Variants in ITGA7 observed in about 807,000 individuals in gnomAD.
ITGA7 encodes integrin alpha-7.
Under a neutral mutation model 131.6 loss-of-function variants are expected in ITGA7, and 84 were observed. The observed-to-expected ratio is 0.64, with a 90% CI of 0.54 to 0.77. The LOEUF (loss-of-function observed/expected upper bound fraction) is 0.77. Ranked by LOEUF, ITGA7 falls within the 30% of genes least tolerant of loss-of-function variation. ITGA7 has a pLI of 0.00. For missense variants in ITGA7, 1,399 were observed against 1,482.9 expected, an observed-to-expected ratio of 0.94 and a Z score of 0.93; for synonymous variants, 548 against 600.7, an observed-to-expected ratio of 0.91 and a Z score of 1.28.
At position 55,695,558 on chromosome 12, in the gene ITGA7, G is replaced by T; in HGVS notation, c.1967C>A (p.Thr656Asn). The T allele has an allele frequency of 6.2e-7, 1 of 1,613,918 alleles. No individual in the cohort carries two copies. The highest frequency in any genetic ancestry group is 8.5e-7 in the Non-Finnish European group (1 of 1,179,908). ...NLQLVRARFCTRVSDTEFQPL... is the reference protein window; with the variant it reads ...NLQLVRARFCNRVSDTEFQPL... Reference sequence around the variant, plus strand: ...TTGGAATTCCGTGTCGCTGACCCGGGTACAGAAGCGGGCGCGGACCAGCTG... The same window carrying T: ...TTGGAATTCCGTGTCGCTGACCCGGTTACAGAAGCGGGCGCGGACCAGCTG... The change falls in exon 14 of 25, where the codon ACC (threonine) becomes AAC (asparagine). Residue 656 changes from threonine (T) to asparagine (N), a missense_variant. By Grantham distance (65) the Thr-to-Asn change is moderately conservative (BLOSUM62 0). Coordinates refer to ENST00000257879, the MANE Select transcript of ITGA7 (RefSeq NM_002206.3).
rs1262900833 is a variant in ITGA7, at chr12:55,707,865, C to G, written c.-183G>C. 18 of 1,447,542 alleles carry G rather than the reference C, an allele frequency of 1.2e-5. No individual in the cohort carries two copies. In the South Asian group the frequency reaches 2.5e-4, roughly 20 times the overall value. The allele number at this position is 1,447,542 out of a possible 1,614,324, so 89.7% of individuals were successfully genotyped here. Reference sequence around the variant, plus strand: ...CTCCGCCACCCCGCCGCCCCAGCACCGGCTAGGACAACTACAGCAGCCGCA... The same window carrying G: ...CTCCGCCACCCCGCCGCCCCAGCACGGGCTAGGACAACTACAGCAGCCGCA... On this transcript the variant is annotated 5_prime_UTR_variant, in exon 1 of 25. Coordinates refer to ENST00000257879, the MANE Select transcript of ITGA7 (RefSeq NM_002206.3).
chr12:55,697,955 C>A lies in ITGA7; in HGVS notation c.1264G>T (p.Val422Phe). The A allele has an allele frequency of 6.2e-7, 1 of 1,614,160 alleles. No individual in the cohort carries two copies. The highest frequency in any genetic ancestry group is 1.3e-5 in the African/African-American group (1 of 75,016). Residue 422 changes from valine to phenylalanine, a missense_variant, in exon 8 of 25, where the codon GTC becomes TTC. By Grantham distance (50) the Val-to-Phe change is conservative. Coordinates refer to ENST00000257879, the MANE Select transcript of ITGA7 (RefSeq NM_002206.3). ...FIYHGSSLGV[V>F]AKPSQVLEGE... is the part of the protein sequence containing the mutation. ...CCCCTCACCTGTGAAGGTTTGGCGA[C>A]AACCCCCAGGCTGCTCCCATGGTAG...
In ITGA7 at chr12:55,696,472, C is replaced by T. The variant is rs780241555; in HGVS notation, c.1738-40G>A. On this transcript the variant is annotated intron_variant, in intron 12 of 24. Transcript: ENST00000257879. The stretch of plus-strand genomic sequence containing the variant: ...GTCTATTCCTCACTGGAACAATCCC[C>T]AGGCCTCAGCCCTGCTCAGTGCCCC... 9 of 1,574,428 alleles carry T rather than the reference C, an allele frequency of 5.7e-6. No homozygotes were observed. The South Asian group carries it at 1.0e-4, about 18-fold the overall frequency.
At position 55,692,844 on chromosome 12, in the gene ITGA7, C is replaced by G. The variant is rs201423127; in HGVS notation, c.2844G>C (p.Leu948=). 1 of 1,609,646 alleles carries G rather than the reference C, an allele frequency of 6.2e-7. No homozygotes were observed. Among genetic ancestry groups the G allele is most frequent in the African/African-American group, 1.3e-5 (1 of 74,944 alleles). The stretch of plus-strand genomic sequence containing the variant: ...TGCACCGAGTCTGGCCTGCCCTCAC[C>G]AGGGTGATGTTTTTCTTCTTCTCAG... ...SSAEKKKNIT[L]DCARGTANCV... is the part of the protein sequence containing the mutation. Residue 948 remains leucine, a splice_region_variant and synonymous_variant, in exon 21 of 25, where the codon CTG becomes CTC. Transcript: ENST00000257879.
rs201723025 is a variant in ITGA7 at position 55,694,263 on chromosome 12, T to C, written c.2425A>G (p.Ile809Val). The part of the protein sequence containing the change: ...ARVFIELPLS[I>V]AGMAIPQQLF... ...CCCTTGGGCCAGGCTCACCCTGCAA[T>C]GGACAGTGGCAGCTCAATGAAGACA... Residue 809 changes from isoleucine (I) to valine (V), a missense_variant, in exon 18 of 25, where the codon ATT becomes GTT. By Grantham distance (29) the Ile-to-Val change is conservative. Transcript: ENST00000257879. The surrounding 1 kb of genome is among the most constrained non-coding windows in gnomAD (Gnocchi z 5.3). 6.2e-6 allele frequency: 10 copies of C among 1,614,048 alleles called. No homozygotes were observed. The African/African-American group carries it at 1.1e-4, about 17-fold the overall frequency.
chr12:55,712,602 C>T (rs1340461373), upstream of ITGA7, among the ~76,000 whole-genome samples: 3 of 152,158 alleles, frequency 2.0e-5, no homozygotes, highest in Non-Finnish European at 2.9e-5. Flanking sequence ...AGTAGGAAAT[C>T]GTAAGGAGAG....
At position 55,685,182 on chromosome 12, in the gene ITGA7, C is replaced by T; in HGVS notation, c.3290G>A (p.Gly1097Asp). ...GCCCCAGTTGTTCCTCAGGATGGTGCCCGTCTTCTCCTCCTTGAACTGCTG... is the reference window on the plus strand; with the variant it reads ...GCCCCAGTTGTTCCTCAGGATGGTGTCCGTCTTCTCCTCCTTGAACTGCTG... ...DRQQFKEEKT[G>D]TILRNNWGSP... Residue 1097 changes from glycine to aspartate, a missense_variant, in exon 25 of 25, where the codon GGC becomes GAC. Transcript: ENST00000257879. 1 of 1,614,174 alleles carries T rather than the reference C, an allele frequency of 6.2e-7. No homozygotes were observed. The highest frequency in any genetic ancestry group is 1.1e-5 in the South Asian group (1 of 91,088).
chr12:55,701,204 G>C (rs764574648), intron 3 of ITGA7, 50 bp from the exon 4 acceptor site: 2 of 1,613,216 alleles, frequency 1.2e-6, no homozygotes, highest in African/African-American at 2.7e-5. Context: ...CCAGGGACCT[G>C]CTTGAGGCAT....
upstream of ITGA7, chr12:55,712,087 C>T (rs1265221344): frequency 3.9e-6 from 6 of 1,551,428 alleles, no homozygotes; most frequent in Non-Finnish European, 5.2e-6. Context: ...AATCCTTCTG[C>T]CTGCCTCTGA....
At chr12:55,691,107 C>G (rs2135975274) in intron 21 of ITGA7, among the ~76,000 whole-genome samples, 1 of 149,456 alleles carries the variant, frequency 6.7e-6, no homozygotes, top group African/African-American at 2.5e-5. Flanking sequence ...TACCCTAAAA[C>G]TTAAAGTATA....
chr12:55,714,238 C>T (rs1003791328), upstream of ITGA7, among the ~76,000 whole-genome samples: 5 of 151,950 alleles, frequency 3.3e-5, no homozygotes, highest in Admixed American at 1.3e-4. Flanking sequence ...TTAGGCCGGG[C>T]GCGGTGGCTC....
chr12:55,694,061 G>A lies in ITGA7; in HGVS notation c.2495C>T (p.Ser832Phe). 3 of 1,614,196 alleles carry A rather than the reference G, an allele frequency of 1.9e-6. No homozygotes were observed. The highest frequency in any genetic ancestry group is 1.6e-4 in the Middle Eastern group (1 of 6,062). Reference sequence around the variant, plus strand: ...GACCTTGCTGCCCACATCCCGCTCAGACTGCATGGCTCTCTCGCCCCTCAC... The same window carrying A: ...GACCTTGCTGCCCACATCCCGCTCAAACTGCATGGCTCTCTCGCCCCTCAC... ...GVVRGERAMQSERDVGSKVKY... is the reference protein window; with the variant it reads ...GVVRGERAMQFERDVGSKVKY... Residue 832 changes from serine to phenylalanine, a missense_variant, in exon 19 of 25, where the codon TCT (serine) becomes TTT (phenylalanine). Physicochemically the swap from Ser to Phe is radical, Grantham distance 155. Coordinates refer to ENST00000257879, the MANE Select transcript of ITGA7 (RefSeq NM_002206.3). The surrounding 1 kb of genome is among the most constrained non-coding windows in gnomAD (Gnocchi z 5.3).
chr12:55,713,953 C>G (rs1876311748), upstream of ITGA7, among the ~76,000 whole-genome samples: 1 of 152,198 alleles, frequency 6.6e-6, no homozygotes, highest in Non-Finnish European at 1.5e-5. Context: ...AATATAATGA[C>G]GTCAACTTCA....
Position 55,694,826 on chromosome 12 carries a change from C to T in ITGA7, c.2148G>A (p.Met716Ile). The T allele has an allele frequency of 6.2e-7, 1 of 1,614,028 alleles. No homozygotes were observed. Among genetic ancestry groups the T allele is most frequent in the Non-Finnish European group, 8.5e-7 (1 of 1,179,988 alleles). ...CTGAGTAGTGCAGTGAGTCAGGAAGCATGACCAGGAGCTGGGCTTCATGGG... is the reference window on the plus strand; with the variant it reads ...CTGAGTAGTGCAGTGAGTCAGGAAGTATGACCAGGAGCTGGGCTTCATGGG... Reference protein sequence around the residue: ...DDAHEAQLLVMLPDSLHYSGV... With the variant: ...DDAHEAQLLVILPDSLHYSGV... Residue 716 changes from methionine (M) to isoleucine (I), a missense_variant, in exon 15 of 25, where the codon ATG becomes ATA. Physicochemically the swap from Met to Ile is conservative, Grantham distance 10. Coordinates refer to ENST00000257879, the MANE Select transcript of ITGA7 (RefSeq NM_002206.3). This position sits in a 1 kb window ranked among gnomAD's most constrained non-coding sequence, Gnocchi z 5.3.
rs57311080 is a variant in ITGA7, at chr12:55,703,417, T to TACACACAC, written c.207-247_207-240dup. On this transcript the variant is annotated intron_variant, in intron 1 of 24. Transcript: ENST00000257879. ...ATAAGGGATCAACATACACAGTAGA[T>TACACACAC]ACACACACACACACACACACACACA... Among the ~76,000 whole-genome samples the TACACACAC allele has an allele frequency of 3.0e-4, 44 of 148,896 alleles. No individual in the cohort carries two copies. In the East Asian group the frequency reaches 3.2e-3, roughly 11 times the overall value.
At chr12:55,712,273 G>T, upstream of ITGA7, 1 of 1,549,642 alleles carries the variant, frequency 6.5e-7, no homozygotes. Context: ...GAGCCATTTG[G>T]ACTGTCTCAA....
chr12:55,696,995 G>T lies in ITGA7; in HGVS notation c.1641C>A (p.Ser547Arg), dbSNP rs1369191520. Residue 547 changes from serine (S) to arginine (R), a missense_variant, in exon 12 of 25, where the codon AGC becomes AGA. Coordinates refer to ENST00000257879, the MANE Select transcript of ITGA7 (RefSeq NM_002206.3). ...RGQVPRVTFLSRNLEEPKHQA... is the reference protein window; with the variant it reads ...RGQVPRVTFLRRNLEEPKHQA... The stretch of plus-strand genomic sequence containing the variant: ...GGTGCTTGGGTTCTTCCAGGTTACG[G>T]CTCAGGAACGTCACACGGGGAACCT... 6.2e-7 allele frequency: 1 copy of T among 1,614,158 alleles called. No homozygotes were observed. The highest frequency in any genetic ancestry group is 1.7e-5 in the Admixed American group (1 of 60,028).
rs370654924 is a variant in ITGA7, at chr12:55,685,173, A to G, written c.3299T>C (p.Leu1100Pro). 2.7e-5 allele frequency: 44 copies of G among 1,614,144 alleles called. No homozygotes were observed. The highest frequency in any genetic ancestry group is 2.7e-5 in the Non-Finnish European group (32 of 1,180,016). The change falls in exon 25 of 25, where the codon CTG becomes CCG. Residue 1100 changes from leucine to proline, a missense_variant. Coordinates refer to ENST00000257879, the MANE Select transcript of ITGA7 (RefSeq NM_002206.3). ...QFKEEKTGTI[L>P]RNNWGSPRRE... The stretch of plus-strand genomic sequence containing the variant: ...CCGGGGGCTGCCCCAGTTGTTCCTC[A>G]GGATGGTGCCCGTCTTCTCCTCCTT...
chr12:55,690,602 C>G (rs1464827952), intron 21 of ITGA7, among the ~76,000 whole-genome samples: 3 of 148,412 alleles, frequency 2.0e-5, no homozygotes, highest in South Asian at 2.3e-4. Context: ...TACCATTTGA[C>G]CCAGCCATCC....
Sources: gnomAD v4.1 joint callset for allele counts (sites outside exome capture counted in the v4.1 genomes callset) on GRCh38, gnomAD v4.1.1 for gene constraint, Gnocchi (gnomAD v3.1) non-coding constraint, MANE v1.5 for transcripts, NCBI Gene and HGNC (gene_info 2026-07-23, HGNC 2026-07-21) for gene names.